The following CCDC81 variants were observed in gnomAD, a reference collection of about 807,000 sequenced individuals.
CCDC81 encodes coiled-coil domain-containing protein 81.
Under a neutral mutation model 83.7 loss-of-function variants are expected in CCDC81, and 79 were observed. The observed-to-expected ratio is 0.94, with a 90% CI of 0.79 to 1.14. The LOEUF (loss-of-function observed/expected upper bound fraction) is 1.14, where lower values mean the gene tolerates loss of function less well. Ranked by LOEUF, CCDC81 falls within the 50% of genes most tolerant of loss-of-function variation. The pLI, the probability that CCDC81 is intolerant of heterozygous loss-of-function variation, is 0.00. For missense variants in CCDC81, 791 were observed against 778.1 expected, an observed-to-expected ratio of 1.02 and a Z score of -0.20; for synonymous variants, 252 against 278.1, an observed-to-expected ratio of 0.91 and a Z score of 0.93.
intron 1 of CCDC81, among the ~76,000 whole-genome samples, chr11:86,380,410 G>A (rs1948161109): frequency 6.6e-6 from 1 of 152,068 alleles, no homozygotes; most frequent in Non-Finnish European, 1.5e-5. Context: ...TCTGTACTTT[G>A]AAAATGATAT....
intron 7 of CCDC81, among the ~76,000 whole-genome samples, chr11:86,403,148 C>G (rs1443697540): frequency 6.6e-6 from 1 of 151,736 alleles, no homozygotes. Flanking sequence ...GCCACCACAC[C>G]TGGCCTGCAT....
rs192207230 is a variant in CCDC81, at chr11:86,406,770, A to C, written c.882-844A>C. ...CAGTGAGCTGAGATTGCGCCATTGC[A>C]CTCCAGCCTGGGTGACAGAGCGAGA... On this transcript the variant is annotated intron_variant, in intron 7 of 14. Transcript: ENST00000445632. Among the ~76,000 whole-genome samples the C allele has an allele frequency of 6.6e-4, 100 of 152,278 alleles. 1 individual carries two copies. In the East Asian group the frequency reaches 0.013, roughly 19 times the overall value.
chr11:86,410,433 A>C (rs1211547550), intron 10 of CCDC81, among the ~76,000 whole-genome samples: 6 of 152,206 alleles, frequency 3.9e-5, no homozygotes, highest in Non-Finnish European at 8.8e-5. Context: ...ATCTCTGAAA[A>C]AAGGGCACTA....
chr11:86,392,605 T>G lies in CCDC81; in HGVS notation c.363T>G (p.Asp121Glu). The change falls in exon 4 of 15, where the codon GAT becomes GAG. Residue 121 changes from aspartate (D) to glutamate (E), a missense_variant. By Grantham distance (45) the Asp-to-Glu change is conservative (BLOSUM62 2). Coordinates refer to ENST00000445632, the MANE Select transcript of CCDC81 (RefSeq NM_001156474.2). ...MISLEGPFNRDVVEGCVKETL... is the reference protein window; with the variant it reads ...MISLEGPFNREVVEGCVKETL... Reference sequence around the variant, plus strand: ...CCCTGGAGGGTCCATTTAACAGAGATGTAGTGGAAGGATGTGTGAAGGAGA... The same window carrying G: ...CCCTGGAGGGTCCATTTAACAGAGAGGTAGTGGAAGGATGTGTGAAGGAGA... The G allele has an allele frequency of 6.4e-7, 1 of 1,551,648 alleles. No individual in the cohort carries two copies. The highest frequency in any genetic ancestry group is 1.2e-5 in the South Asian group (1 of 84,064).
At position 86,422,984 on chromosome 11, in the gene CCDC81, T is replaced by A; in HGVS notation, c.*269T>A. On this transcript the variant is annotated 3_prime_UTR_variant, in exon 15 of 15. Transcript: ENST00000445632. ...TGCTGCACAGGGGCTGGGAATGGGATCCAGCTTCATTATGGCTGCTGGGGT... is the reference window on the plus strand; with the variant it reads ...TGCTGCACAGGGGCTGGGAATGGGAACCAGCTTCATTATGGCTGCTGGGGT... The A allele has an allele frequency of 2.7e-6, 1 of 370,086 alleles. No individual in the cohort carries two copies. The highest frequency in any genetic ancestry group is 4.9e-6 in the Non-Finnish European group (1 of 204,384). The allele number at this position is 370,086 out of a possible 1,614,324, so 22.9% of individuals were successfully genotyped here. A position where few individuals can be genotyped will look rare whatever the true frequency, so the allele number is the denominator to read the frequency against.
At chr11:86,388,214 T>TTCCCTCCC (rs761009156) in intron 3 of CCDC81, among the ~76,000 whole-genome samples, 2 of 145,170 alleles carry the variant, frequency 1.4e-5, no homozygotes, top group Non-Finnish European at 3.0e-5. Flanking sequence ...CCTTCCCTCC[T>TTCCCTCCC]TCCTTCCTTC....
chr11:86,395,063 G>T lies in CCDC81; in HGVS notation c.556-271G>T, dbSNP rs186796847. On this transcript the variant is annotated intron_variant, in intron 4 of 14. Transcript: ENST00000445632. ...GCTATCTTCTTAAAGACATCTAAAA[G>T]AATCTGTCAACTCTGAAGGCAATTC... 2.6e-5 allele frequency: 7 copies of T among 268,806 alleles called. 1 individual carries two copies. The Admixed American group carries it at 3.1e-4, about 12-fold the overall frequency. The allele number at this position is 268,806 out of a possible 1,614,324, so 16.7% of individuals were successfully genotyped here.
At chr11:86,401,552 T>C (rs1948487097) in intron 7 of CCDC81, among the ~76,000 whole-genome samples, 1 of 152,226 alleles carries the variant, frequency 6.6e-6, no homozygotes, top group South Asian at 2.1e-4. Context: ...TTATGAAAGA[T>C]AATTGAGAAT....
chr11:86,380,155 C>A (rs1593905945), intron 1 of CCDC81, among the ~76,000 whole-genome samples: 3 of 151,508 alleles, frequency 2.0e-5, no homozygotes, highest in Non-Finnish European at 4.4e-5. Context: ...CAATTAATTC[C>A]CTTAATTTTT....
In CCDC81 at chr11:86,415,175, T is replaced by C. The variant is rs145499523; in HGVS notation, c.1553T>C (p.Met518Thr). ...PIFGKNEGEL[M>T]VEKQKREQNY... ...TTTGGTAAGAATGAGGGTGAACTGA[T>C]GGTGGAAAAGCAAAAGCGAGAACAA... The change falls in exon 13 of 15, where the codon ATG becomes ACG. Residue 518 changes from methionine to threonine, a missense_variant. Transcript: ENST00000445632. 186 of 1,614,050 alleles carry C rather than the reference T, an allele frequency of 1.2e-4. No individual in the cohort carries two copies. The highest frequency in any genetic ancestry group is 3.8e-4 in the Admixed American group (23 of 60,008).
intron 14 of CCDC81, among the ~76,000 whole-genome samples, chr11:86,420,673 A>G (rs1238320206): frequency 2.6e-5 from 4 of 152,224 alleles, no homozygotes; most frequent in Non-Finnish European, 5.9e-5. Flanking sequence ...CCAAAATAAT[A>G]GTTTAAATTG....
Position 86,412,445 on chromosome 11 carries a change from AG to A in CCDC81, c.1279del (p.Glu427AsnfsTer7). On this transcript the variant is annotated frameshift_variant, in exon 11 of 15. Coordinates refer to ENST00000445632, the MANE Select transcript of CCDC81 (RefSeq NM_001156474.2). LOFTEE classifies it high-confidence loss of function. Reference protein sequence around the residue: ...LSPALNALKQEEYSRSLLKQM... With the variant: ...LSPALNALKQXEYSRSLLKQM... Reference sequence around the variant, plus strand: ...CCTGCGCTTAATGCTCTTAAGCAAGAGGAATATTCCCGGAGTCTCCTGAAAC... The same window carrying A: ...CCTGCGCTTAATGCTCTTAAGCAAGAGAATATTCCCGGAGTCTCCTGAAAC... 6 of 1,613,902 alleles carry A rather than the reference AG, an allele frequency of 3.7e-6. No homozygotes were observed. Among genetic ancestry groups the A allele is most frequent in the Non-Finnish European group, 5.1e-6 (6 of 1,179,814 alleles).
chr11:86,376,989 C>T (rs1456836612), intron 1 of CCDC81, among the ~76,000 whole-genome samples: 2 of 152,302 alleles, frequency 1.3e-5, no homozygotes, highest in South Asian at 2.1e-4. Flanking sequence ...GATCTTTCCA[C>T]GGTCTTCATA....
At chr11:86,387,449 A>C in intron 2 of CCDC81, 67 bp from the exon 3 acceptor site, 15 of 1,480,510 alleles carry the variant, frequency 1.0e-5, no homozygotes, top group Non-Finnish European at 1.4e-5. Flanking sequence ...TTTAGATAAT[A>C]ATATTAAGGA....
intron 7 of CCDC81, 138 bp downstream of exon 7, chr11:86,400,939 G>A (rs927712774): frequency 9.0e-6 from 8 of 884,548 alleles, no homozygotes; most frequent in Admixed American, 2.9e-5. Context: ...AACATGATGG[G>A]AATAATAAAG....
Position 86,412,575 on chromosome 11 carries a change from C to A in CCDC81, c.1391+16C>A. On this transcript the variant is annotated intron_variant, in intron 11 of 14. Transcript: ENST00000445632. ...TCACAGAGGAGTGAGTCCAGCTACA[C>A]ACGCTCTGACAAATGGATTTGGAAT... The A allele has an allele frequency of 1.3e-6, 2 of 1,571,452 alleles. No homozygotes were observed. The highest frequency in any genetic ancestry group is 2.3e-5 in the East Asian group (1 of 44,282).
chr11:86,400,582 T>C, intron 6 of CCDC81, 96 bp from the exon 7 acceptor site: 1 of 1,172,268 alleles, frequency 8.5e-7, no homozygotes, highest in Non-Finnish European at 1.2e-6. Context: ...GATAAGAGAG[T>C]GTATCTTATA....
intron 3 of CCDC81, 148 bp from the exon 4 acceptor site, chr11:86,392,393 T>C: frequency 1.1e-6 from 1 of 888,566 alleles, no homozygotes; most frequent in Non-Finnish European, 1.7e-6. Context: ...GCAGTAATAA[T>C]ATTACATTGG....
At position 86,415,314 on chromosome 11, in the gene CCDC81, G is replaced by T; in HGVS notation, c.1691+1G>T. Reference sequence around the variant, plus strand: ...AAATGCTTCAGAGGACACAAAGAGAGTAAGGAGACCCCTGATCTTTCTCCC... The same window carrying T: ...AAATGCTTCAGAGGACACAAAGAGATTAAGGAGACCCCTGATCTTTCTCCC... On this transcript the variant is annotated splice_donor_variant, in intron 13 of 14. Coordinates refer to ENST00000445632, the MANE Select transcript of CCDC81 (RefSeq NM_001156474.2). LOFTEE classifies it high-confidence loss of function. 6.2e-7 allele frequency: 1 copy of T among 1,611,236 alleles called. No individual in the cohort carries two copies.
Sources: gnomAD v4.1 joint callset for allele counts (sites outside exome capture counted in the v4.1 genomes callset) on GRCh38, gnomAD v4.1.1 for gene constraint, MANE v1.5 for transcripts, NCBI Gene and HGNC (gene_info 2026-07-23, HGNC 2026-07-21) for gene names.